RSPH14: variants seen among roughly 807,000 people sequenced by gnomAD.
The protein encoded by RSPH14 is radial spoke head 14 homolog.
In RSPH14, 20 loss-of-function variants were observed where a neutral mutation model predicts 26.7. The ratio of observed to expected loss-of-function variants is 0.75; its 90% CI spans 0.53 to 1.09. The LOEUF is 1.09. Ranked by LOEUF, RSPH14 falls within the 50% of genes least tolerant of loss-of-function variation. The pLI, the probability that RSPH14 is intolerant of heterozygous loss-of-function variation, is 0.00. For synonymous variants in RSPH14, 177 were observed against 189.3 expected (o/e 0.93, Z 0.53); for missense variants, 449 against 457.2 (o/e 0.98, Z 0.16).
intron 4 of RSPH14, among the ~76,000 whole-genome samples, chr22:23,093,305 G>A (rs1235339541): frequency 6.6e-6 from 1 of 152,160 alleles, no homozygotes; most frequent in African/African-American, 2.4e-5. Flanking sequence ...GTGGCTGCCT[G>A]GTGAAGCGGG....
At chr22:23,173,622 G>GTTTTTTTTTTTTTT in the RSPH14 span, among the ~76,000 whole-genome samples, 4 of 112,288 alleles carry the variant, frequency 3.6e-5, 1 homozygote, top group Non-Finnish European at 5.4e-5. Context: ...TTTATTTTTG[G>GTTTTTTTTTTTTTT]TTTTTTGTTT....
chr22:23,170,618 A>T, the RSPH14 span, among the ~76,000 whole-genome samples: 1 of 151,922 alleles, frequency 6.6e-6, no homozygotes, highest in Admixed American at 6.6e-5. Context: ...CTGTAGTCCC[A>T]GCTACTCGGG....
intron 4 of RSPH14, among the ~76,000 whole-genome samples, chr22:23,129,609 T>G (rs2070259200): frequency 6.6e-6 from 1 of 150,584 alleles, no homozygotes; most frequent in African/African-American, 2.4e-5. Flanking sequence ...ATCATGAAAT[T>G]GACTTCATTA....
intron 4 of RSPH14, among the ~76,000 whole-genome samples, chr22:23,093,564 G>A (rs900358588): frequency 1.3e-5 from 2 of 152,214 alleles, no homozygotes; most frequent in African/African-American, 2.4e-5. Context: ...CGCTCACAGC[G>A]ACAAGCACAG....
chr22:23,074,096 G>A (rs995713408), intron 4 of RSPH14, among the ~76,000 whole-genome samples: 1 of 152,192 alleles, frequency 6.6e-6, no homozygotes, highest in African/African-American at 2.4e-5. Flanking sequence ...GGGTGTCAGG[G>A]CCAGGTCCTG....
At chr22:23,167,557 G>A in the RSPH14 span, among the ~76,000 whole-genome samples, 1 of 152,172 alleles carries the variant, frequency 6.6e-6, no homozygotes, top group Non-Finnish European at 1.5e-5. Context: ...ATGGACCACT[G>A]TCAGACAAAC....
At chr22:23,180,587 GCGGCA>G in the RSPH14 span, 115 of 35,818 alleles carry the variant, frequency 3.2e-3, no homozygotes, top group African/African-American at 0.07. Flanking sequence ...GGCGGCGGCG[GCGGCA>G]CGGCGGCGGC....
chr22:23,067,237 G>C (rs865800868), intron 4 of RSPH14, among the ~76,000 whole-genome samples: 2 of 152,132 alleles, frequency 1.3e-5, no homozygotes, highest in Admixed American at 6.5e-5. Context: ...GGGGCAGGGC[G>C]GGTGCTGACA....
intron 4 of RSPH14, among the ~76,000 whole-genome samples, chr22:23,072,081 T>TCTTGCAGTC (rs1374333855): frequency 2.1e-4 from 32 of 152,104 alleles, no homozygotes; most frequent in Non-Finnish European, 4.3e-4. Context: ...AAGAGCTAGC[T>TCTTGCAGTC]TTAAAGACTG....
intron 4 of RSPH14, among the ~76,000 whole-genome samples, chr22:23,112,876 G>T (rs140921844): frequency 0.016 from 2,421 of 152,300 alleles, 19 homozygotes; most frequent in Non-Finnish European, 0.025. Flanking sequence ...CTGGTCTGGG[G>T]ACCCCACAGC....
At chr22:23,121,701 A>T (rs1176028494) in intron 4 of RSPH14, among the ~76,000 whole-genome samples, 2 of 148,736 alleles carry the variant, frequency 1.3e-5, no homozygotes, top group Non-Finnish European at 3.0e-5. Flanking sequence ...CTGGTGATGT[A>T]GTCTAGTCAG....
At chr22:23,078,942 GA>G (rs1333283631) in intron 4 of RSPH14, among the ~76,000 whole-genome samples, 1 of 152,180 alleles carries the variant, frequency 6.6e-6, no homozygotes, top group East Asian at 1.9e-4. Context: ...TCCACCCAGG[GA>G]AGGCCACGGG....
chr22:23,145,281 G>A (rs2070699155), upstream of RSPH14: 3 of 700,352 alleles, frequency 4.3e-6, no homozygotes. Context: ...CGCCCTTGTT[G>A]TCATGGTGAT....
intron 3 of RSPH14, chr22:23,136,088 C>T: frequency 3.7e-6 from 2 of 535,968 alleles, no homozygotes; most frequent in Non-Finnish European, 6.7e-6. Flanking sequence ...CAGGGGTCTT[C>T]CCTGACCACG....
upstream of RSPH14, chr22:23,145,639 C>A: frequency 2.9e-6 from 4 of 1,383,664 alleles, no homozygotes; most frequent in Non-Finnish European, 3.9e-6. Flanking sequence ...GAGGGCACAG[C>A]GTCCGCGCCC....
chr22:23,150,564 G>T, the RSPH14 span, among the ~76,000 whole-genome samples: 1 of 151,984 alleles, frequency 6.6e-6, no homozygotes, highest in Non-Finnish European at 1.5e-5. Flanking sequence ...GCCTCCCAAA[G>T]TGCTGGGATT....
At chr22:23,163,418 A>AC in the RSPH14 span, 4 of 148,894 alleles carry the variant, frequency 2.7e-5, no homozygotes, top group Non-Finnish European at 5.9e-5. Context: ...TTTAGTAGAG[A>AC]GAGGTTTCAC....
intron 4 of RSPH14, among the ~76,000 whole-genome samples, chr22:23,121,752 C>T (rs1391480261): frequency 3.4e-5 from 5 of 147,178 alleles, no homozygotes; most frequent in Middle Eastern, 7.2e-3. Flanking sequence ...GACAGAGTCT[C>T]GCTGCGTCGC....
chr22:23,142,265 A>G (rs937981536), upstream of RSPH14, among the ~76,000 whole-genome samples: 49 of 152,198 alleles, frequency 3.2e-4, no homozygotes, highest in African/African-American at 1.1e-3. Context: ...GTAAATTCAT[A>G]AGGTGGTAAC....
Sources: gnomAD v4.1 joint callset for allele counts (sites outside exome capture counted in the v4.1 genomes callset) on GRCh38, gnomAD v4.1.1 for gene constraint, MANE v1.5 for transcripts, NCBI Gene and HGNC (gene_info 2026-07-23, HGNC 2026-07-21) for gene names.